Variants in MAP2 observed in about 807,000 individuals in gnomAD.
MAP2 encodes microtubule associated protein 2, also known as microtubule-associated protein 2.
Under a neutral mutation model 137.6 loss-of-function variants are expected in MAP2, and 14 were observed. The observed-to-expected ratio is 0.10, with a 90% CI of 0.07 to 0.16. MAP2 has a LOEUF of 0.16. MAP2 is among the 10% of genes least tolerant of loss of function. MAP2 has a pLI of 1.00. For missense variants in MAP2, 2,088 were observed against 2,191.5 expected (o/e 0.95, Z 0.94); for synonymous variants, 786 against 782.3 (o/e 1.00, Z -0.08).
chr2:209,535,586 C>A (rs59883519), intron 2 of MAP2, among the ~76,000 whole-genome samples: 35,832 of 150,316 alleles, frequency 0.24, 7,346 homozygotes, highest in African/African-American at 0.55. Context: ...CAGAAGAAAG[C>A]TGATCAATGG....
intron 4 of MAP2, among the ~76,000 whole-genome samples, chr2:209,651,795 T>C (rs1269303647): frequency 6.6e-6 from 1 of 152,210 alleles, no homozygotes; most frequent in Admixed American, 6.5e-5. Context: ...ATCTAGCTCT[T>C]CCTGCTATGA....
intron 10 of MAP2, among the ~76,000 whole-genome samples, chr2:209,698,439 C>A (rs1036476506): frequency 3.9e-5 from 6 of 152,174 alleles, no homozygotes; most frequent in African/African-American, 1.4e-4. Context: ...TTCCATTGTA[C>A]ATCATCAATG....
At chr2:209,657,162 T>C (rs1378515456) in intron 5 of MAP2, among the ~76,000 whole-genome samples, 1 of 152,230 alleles carries the variant, frequency 6.6e-6, no homozygotes, top group African/African-American at 2.4e-5. Context: ...CTACATTTTC[T>C]TTATCCAGTC....
chr2:209,477,150 C>T (rs189672696), intron 1 of MAP2, among the ~76,000 whole-genome samples: 1 of 152,258 alleles, frequency 6.6e-6, no homozygotes, highest in Admixed American at 6.5e-5. Context: ...GTGCGTACTG[C>T]ACAAGTGTTA....
intron 1 of MAP2, among the ~76,000 whole-genome samples, chr2:209,466,583 A>G (rs1375164615): frequency 6.6e-6 from 1 of 152,120 alleles, no homozygotes; most frequent in Non-Finnish European, 1.5e-5. Flanking sequence ...ATACCTACCC[A>G]TTTTTCACAC....
At chr2:209,672,238 A>T (rs550704154) in intron 5 of MAP2, among the ~76,000 whole-genome samples, 2 of 151,946 alleles carry the variant, frequency 1.3e-5, no homozygotes, top group South Asian at 4.1e-4. Flanking sequence ...AAGTGGCAGG[A>T]GCCTGATGTA....
chr2:209,573,298 G>GGTTTTTTTTTTTTTTTTTTTTTTTTT (rs770132978), intron 2 of MAP2, among the ~76,000 whole-genome samples: 1 of 120,070 alleles, frequency 8.3e-6, no homozygotes, highest in African/African-American at 3.3e-5. Flanking sequence ...TTCTTTTTCT[G>GGTTTTTTTTTTTTTTTTTTTTTTTTT]TTTTTTTTTT....
chr2:209,437,292 A>T (rs554735493), intron 1 of MAP2, among the ~76,000 whole-genome samples: 11 of 151,752 alleles, frequency 7.2e-5, no homozygotes, highest in African/African-American at 2.7e-4. Context: ...TGGTAGGAAG[A>T]TGCTAAGACC....
chr2:209,702,481 C>A (rs1426605438), intron 11 of MAP2, among the ~76,000 whole-genome samples: 2 of 151,792 alleles, frequency 1.3e-5, no homozygotes, highest in Admixed American at 1.3e-4. Flanking sequence ...TATGCTCTTT[C>A]AGATTCACTT....
At chr2:209,583,405 A>G (rs921868176) in intron 3 of MAP2, among the ~76,000 whole-genome samples, 5 of 152,130 alleles carry the variant, frequency 3.3e-5, no homozygotes, top group Non-Finnish European at 7.4e-5. Flanking sequence ...GAATTGCATA[A>G]TCTATATAAG....
intron 2 of MAP2, among the ~76,000 whole-genome samples, chr2:209,525,012 G>A (rs1473628132): frequency 6.6e-6 from 1 of 152,050 alleles, no homozygotes; most frequent in Non-Finnish European, 1.5e-5. Flanking sequence ...TTCAAATCTT[G>A]AGACCTGGGT....
intron 5 of MAP2, among the ~76,000 whole-genome samples, chr2:209,663,430 G>C (rs2044663498): frequency 6.6e-6 from 1 of 152,116 alleles, no homozygotes; most frequent in Non-Finnish European, 1.5e-5. Context: ...CACTGAATGA[G>C]TCACCATTCA....
At chr2:209,588,891 A>T (rs1305794256) in intron 3 of MAP2, among the ~76,000 whole-genome samples, 2 of 152,204 alleles carry the variant, frequency 1.3e-5, no homozygotes, top group African/African-American at 2.4e-5. Flanking sequence ...ATGAGATCTA[A>T]CAATCGAAAC....
intron 2 of MAP2, among the ~76,000 whole-genome samples, chr2:209,541,539 G>A (rs2067040180): frequency 6.8e-6 from 1 of 146,510 alleles, no homozygotes; most frequent in Non-Finnish European, 1.5e-5. Flanking sequence ...AATGTTGTTT[G>A]ATAGCATTTC....
chr2:209,491,897 A>G (rs1226165539), intron 1 of MAP2, among the ~76,000 whole-genome samples: 4 of 152,228 alleles, frequency 2.6e-5, no homozygotes, highest in Non-Finnish European at 5.9e-5. Flanking sequence ...TCCTTCTGAA[A>G]CTATTCCAAA....
At chr2:209,687,554 T>C (rs1171020712) in intron 7 of MAP2, among the ~76,000 whole-genome samples, 3 of 152,184 alleles carry the variant, frequency 2.0e-5, no homozygotes, top group Non-Finnish European at 4.4e-5. Flanking sequence ...AAACATTCAC[T>C]GTCTCCCATC....
chr2:209,512,549 G>C (rs2150279406), intron 2 of MAP2, among the ~76,000 whole-genome samples: 1 of 138,376 alleles, frequency 7.2e-6, no homozygotes, highest in East Asian at 2.2e-4. Context: ...AAAGAAGCCA[G>C]AAGTTATACA....
In MAP2 at chr2:209,730,460, C is replaced by A; in HGVS notation, c.*63C>A. 8.6e-7 allele frequency: 1 copy of A among 1,160,640 alleles called. No individual in the cohort carries two copies. 71.9% of individuals were successfully genotyped at this position (1,160,640 alleles called of 1,614,324 possible). On this transcript the variant is annotated 3_prime_UTR_variant, in exon 16 of 16. Transcript: ENST00000682079. ...CATGAGCTCTTGGCAGGAGTGGGCT[C>A]TGAGCAGTTGTTATATTCATTCTTT...
Position 209,432,136 on chromosome 2 carries a change from CT to C in MAP2, c.-222+7866del, listed in dbSNP as rs200868507. Among the ~76,000 whole-genome samples, 399 of 152,234 alleles carry C rather than the reference CT, an allele frequency of 2.6e-3. 4 individuals are homozygous for C. Among genetic ancestry groups the C allele is most frequent in the East Asian group, 0.017 (90 of 5,180 alleles). On this transcript the variant is annotated intron_variant, in intron 1 of 15. Coordinates refer to ENST00000682079, the MANE Select transcript of MAP2 (RefSeq NM_001375505.1). ...TCCAACAAAAATAGGCAGGTTGAAA[CT>C]TTTTTCTCATCTGTAATGCCATTAA...
Sources: gnomAD v4.1 joint callset for allele counts (sites outside exome capture counted in the v4.1 genomes callset) on GRCh38, gnomAD v4.1.1 for gene constraint, MANE v1.5 for transcripts, NCBI Gene and HGNC (gene_info 2026-07-23, HGNC 2026-07-21) for gene names.